TMEM109: variants seen among roughly 807,000 people sequenced by gnomAD.
TMEM109 encodes voltage-gated monoatomic cation channel TMEM109.
Under a neutral mutation model 26.4 loss-of-function variants are expected in TMEM109, and 19 were observed. The ratio of observed to expected loss-of-function variants is 0.72; its 90% CI spans 0.50 to 1.06. The LOEUF is 1.06. Among genes scored for constraint, TMEM109 ranks in the 50% least tolerant of loss-of-function variants. The pLI, the probability that TMEM109 is intolerant of heterozygous loss-of-function variation, is 0.00. For synonymous variants in TMEM109, 129 were observed against 142.0 expected, an observed-to-expected ratio of 0.91 and a Z score of 0.65; for missense variants, 262 against 303.4, an observed-to-expected ratio of 0.86 and a Z score of 1.01.
At position 60,919,756 on chromosome 11, in the gene TMEM109, C is replaced by T. The variant is rs1856212263; in HGVS notation, c.63C>T (p.Val21=). Residue 21 remains valine (V), a synonymous_variant, in exon 2 of 4, where the codon GTC becomes GTT. Transcript: ENST00000227525. ...GKHVFKAILM[V]LVALILLHSA... is the part of the protein sequence containing the mutation. ...ATGTGTTCAAAGCCATTCTGATGGT[C>T]CTAGTGGCCCTTATCCTCCTCCACT... 3 of 1,614,064 alleles carry T rather than the reference C, an allele frequency of 1.9e-6. No homozygotes were observed. The highest frequency in any genetic ancestry group is 1.3e-5 in the African/African-American group (1 of 74,898).
At chr11:60,918,070 C>T (rs773223177) in intron 1 of TMEM109, among the ~76,000 whole-genome samples, 59 of 152,264 alleles carry the variant, frequency 3.9e-4, no homozygotes, top group Non-Finnish European at 7.2e-4. Context: ...ATGCTGATTT[C>T]CCCAGTTAAT....
intron 3 of TMEM109, 73 bp downstream of exon 3, chr11:60,921,061 T>A: frequency 7.5e-7 from 1 of 1,339,490 alleles, no homozygotes; most frequent in Non-Finnish European, 1.1e-6. Context: ...TTCATCTTTG[T>A]CAGGGTCTAG....
chr11:60,916,679 C>T (rs1471693966), intron 1 of TMEM109, among the ~76,000 whole-genome samples: 1 of 152,212 alleles, frequency 6.6e-6, no homozygotes, highest in Non-Finnish European at 1.5e-5. Flanking sequence ...GTATCTGGTG[C>T]ACTTCAGAAC....
chr11:60,921,030 G>A (rs773628499), intron 3 of TMEM109, 42 bp downstream of exon 3: 3 of 1,538,008 alleles, frequency 2.0e-6, no homozygotes, highest in Non-Finnish European at 2.7e-6. Flanking sequence ...AGCTTTGCCT[G>A]TACTTTCCTA....
intron 1 of TMEM109, among the ~76,000 whole-genome samples, chr11:60,914,898 C>T (rs1231194203): frequency 6.6e-6 from 1 of 152,224 alleles, no homozygotes; most frequent in Non-Finnish European, 1.5e-5. Flanking sequence ...GTGGCGGCTT[C>T]GCCTTGTTTA....
At chr11:60,914,868 CGCTG>C (rs1053271026) in intron 1 of TMEM109, among the ~76,000 whole-genome samples, 56 of 152,362 alleles carry the variant, frequency 3.7e-4, no homozygotes, top group African/African-American at 1.3e-3. Context: ...CCTGCCAGGG[CGCTG>C]ACTTCATTCT....
At chr11:60,919,588 C>T in intron 1 of TMEM109, 98 bp from the exon 2 acceptor site, 1 of 1,017,556 alleles carries the variant, frequency 9.8e-7, no homozygotes, top group Middle Eastern at 2.4e-4. Flanking sequence ...TTGGTGCTTG[C>T]TTGGGGTAGG....
intron 1 of TMEM109, among the ~76,000 whole-genome samples, chr11:60,917,303 TC>T (rs1856183818): frequency 6.6e-6 from 1 of 152,168 alleles, no homozygotes; most frequent in African/African-American, 2.4e-5. Context: ...TGCAAAAAGT[TC>T]AAAAACCTGA....
In TMEM109 at chr11:60,922,217, G is replaced by T; in HGVS notation, c.*52G>T. 2 of 1,551,508 alleles carry T rather than the reference G, an allele frequency of 1.3e-6. No homozygotes were observed. The highest frequency in any genetic ancestry group is 1.7e-6 in the Non-Finnish European group (2 of 1,147,626). ...TCATACCAAAGAGCTGAGCTGCTTC[G>T]GGGCCATGCAGCCCTCCTGCCAGCC... On this transcript the variant is annotated 3_prime_UTR_variant, in exon 4 of 4. Transcript: ENST00000227525.
rs1416582811 is a variant in TMEM109 at position 60,914,177 on chromosome 11, G to A, written c.-100G>A. 1 of 152,244 alleles carries A rather than the reference G, an allele frequency of 6.6e-6. No individual in the cohort carries two copies. Among genetic ancestry groups the A allele is most frequent in the Non-Finnish European group, 1.5e-5 (1 of 68,044 alleles). The allele number at this position is 152,244 out of a possible 1,614,324, so 9.4% of individuals were successfully genotyped here. ...GAGCTCATCCCGCCTTGCGCATGCGGAGAAGGTAAACCAGCGCCCCGAGTT... is the reference window on the plus strand; with the variant it reads ...GAGCTCATCCCGCCTTGCGCATGCGAAGAAGGTAAACCAGCGCCCCGAGTT... On this transcript the variant is annotated 5_prime_UTR_variant, in exon 1 of 4. Transcript: ENST00000227525.
chr11:60,922,715 T>C lies in TMEM109; in HGVS notation c.*550T>C, dbSNP rs1856262350. On this transcript the variant is annotated 3_prime_UTR_variant, in exon 4 of 4. Coordinates refer to ENST00000227525, the MANE Select transcript of TMEM109 (RefSeq NM_024092.3). ...GGGCAGGGGTAAGGGGACCTGAGGA[T>C]AAAGGGTGGGGAAACAGGGTCCCCT... The C allele has an allele frequency of 4.4e-6, 1 of 227,074 alleles. No individual in the cohort carries two copies. Among genetic ancestry groups the C allele is most frequent in the Non-Finnish European group, 9.0e-6 (1 of 111,548 alleles). 14.1% of individuals were successfully genotyped at this position (227,074 alleles called of 1,614,324 possible).
intron 1 of TMEM109, among the ~76,000 whole-genome samples, chr11:60,917,995 G>T (rs1014072284): frequency 3.9e-5 from 6 of 152,170 alleles, no homozygotes; most frequent in African/African-American, 1.4e-4. Context: ...CTGAGACTTA[G>T]TTGGAGACAA....
chr11:60,920,921 C>T lies in TMEM109; in HGVS notation c.273C>T (p.Ala91=), dbSNP rs763155246. Residue 91 remains alanine, a synonymous_variant, in exon 3 of 4, where the codon GCC becomes GCT. Coordinates refer to ENST00000227525, the MANE Select transcript of TMEM109 (RefSeq NM_024092.3). ...AAGTGTTGTGGGCCATCTCATCAGC[C>T]ATTTCTGTGGCCTTCTTTGCTCTGT... ...SSQVLWAISS[A]ISVAFFALSG... The T allele has an allele frequency of 9.9e-6, 16 of 1,614,074 alleles. No homozygotes were observed. The highest frequency in any genetic ancestry group is 1.3e-5 in the African/African-American group (1 of 74,934).
At chr11:60,919,642 G>T in intron 1 of TMEM109, 44 bp from the exon 2 acceptor site, 1 of 1,480,582 alleles carries the variant, frequency 6.8e-7, no homozygotes, top group Non-Finnish European at 9.4e-7. Flanking sequence ...GAGGGTGAGT[G>T]TGTCTACCAT....
Position 60,922,079 on chromosome 11 carries a change from G to T in TMEM109, c.646G>T (p.Val216Leu). The T allele has an allele frequency of 6.2e-7, 1 of 1,613,434 alleles. No individual in the cohort carries two copies. The highest frequency in any genetic ancestry group is 8.5e-7 in the Non-Finnish European group (1 of 1,179,928). Residue 216 changes from valine (V) to leucine (L), a missense_variant, in exon 4 of 4, where the codon GTG becomes TTG. Transcript: ENST00000227525. ...RASGAQLEAK[V>L]RGLERQVEEL... The stretch of plus-strand genomic sequence containing the variant: ...CTCTGGGGCCCAACTCGAGGCCAAG[G>T]TGCGAGGGCTGGAACGCCAGGTGGA...
At position 60,919,862 on chromosome 11, in the gene TMEM109, A is replaced by T; in HGVS notation, c.169A>T (p.Ile57Leu). ...REAPVDVLTQ[I>L]GRSVRGTLDA... ...AGCCCCAGTTGATGTCTTGACCCAG[A>T]TAGGTCGATCTGTGCGAGGGACACT... The change falls in exon 2 of 4, where the codon ATA becomes TTA. Residue 57 changes from isoleucine (I) to leucine (L), a missense_variant. Ile to Leu is a conservative substitution (Grantham distance 5). Coordinates refer to ENST00000227525, the MANE Select transcript of TMEM109 (RefSeq NM_024092.3). 1 of 1,614,160 alleles carries T rather than the reference A, an allele frequency of 6.2e-7. No homozygotes were observed.
At chr11:60,920,193 C>T (rs1856220767) in intron 2 of TMEM109, among the ~76,000 whole-genome samples, 1 of 152,172 alleles carries the variant, frequency 6.6e-6, no homozygotes, top group South Asian at 2.1e-4. Context: ...TCTTTATAAG[C>T]CCATGTTACT....
Position 60,922,168 on chromosome 11 carries a change from C to A in TMEM109, c.*3C>A. ...CCCGCAGTGTGGAGGAGGAGTGAGCCGGATGCCCCACACACCGCCAGTGTC... is the reference window on the plus strand; with the variant it reads ...CCCGCAGTGTGGAGGAGGAGTGAGCAGGATGCCCCACACACCGCCAGTGTC... On this transcript the variant is annotated 3_prime_UTR_variant, in exon 4 of 4. Transcript: ENST00000227525. 1 of 1,577,494 alleles carries A rather than the reference C, an allele frequency of 6.3e-7. No homozygotes were observed. Among genetic ancestry groups the A allele is most frequent in the East Asian group, 2.4e-5 (1 of 42,316 alleles).
Position 60,922,442 on chromosome 11 carries a change from C to G in TMEM109, c.*277C>G, listed in dbSNP as rs911099179. The G allele has an allele frequency of 7.4e-7, 1 of 1,346,258 alleles. No homozygotes were observed. Among genetic ancestry groups the G allele is most frequent in the African/African-American group, 1.5e-5 (1 of 68,780 alleles). 83.4% of individuals were successfully genotyped at this position (1,346,258 alleles called of 1,614,324 possible). ...CCTCACCAGGGAAGGTTGGAGGGGCCTCCCTCTGGCTTCTGCATCTGCGCC... is the reference window on the plus strand; with the variant it reads ...CCTCACCAGGGAAGGTTGGAGGGGCGTCCCTCTGGCTTCTGCATCTGCGCC... On this transcript the variant is annotated 3_prime_UTR_variant, in exon 4 of 4. Transcript: ENST00000227525.
Sources: gnomAD v4.1 joint callset for allele counts (sites outside exome capture counted in the v4.1 genomes callset) on GRCh38, gnomAD v4.1.1 for gene constraint, MANE v1.5 for transcripts, NCBI Gene and HGNC (gene_info 2026-07-23, HGNC 2026-07-21) for gene names.